The following IRF2 variants were observed in gnomAD, a reference collection of about 807,000 sequenced individuals.
IRF2 encodes interferon regulatory factor 2.
In IRF2, 15 loss-of-function variants were observed where a neutral mutation model predicts 40.6. The ratio of observed to expected loss-of-function variants is 0.37; its 90% CI spans 0.25 to 0.57. The LOEUF is 0.57. IRF2 is among the 20% of genes least tolerant of loss of function. The probability of loss-of-function intolerance (pLI) is 0.77; values close to 1 mark genes in which losing one functional copy is unlikely to be tolerated. For missense variants in IRF2, 317 were observed against 455.7 expected (o/e 0.70, Z 2.77); for synonymous variants, 151 against 165.5 (o/e 0.91, Z 0.67).
In IRF2 at chr4:184,398,922, G is replaced by C. The variant is rs1311990004; in HGVS notation, c.687C>G (p.Ser229=). The change falls in exon 7 of 9, where the codon TCC becomes TCG. Residue 229 remains serine, a synonymous_variant. Transcript: ENST00000393593. ...LYPLQISPVS[S]YAESETTDSV... ...CCTCCCGCTGACGCTTACCTGCATAGGAAGACACGGGGGAGATCTGCAGAG... is the reference window on the plus strand; with the variant it reads ...CCTCCCGCTGACGCTTACCTGCATACGAAGACACGGGGGAGATCTGCAGAG... The C allele has an allele frequency of 6.2e-7, 1 of 1,604,304 alleles. No individual in the cohort carries two copies.
Position 184,427,336 on chromosome 4 carries a change from C to T in IRF2, c.87+1642G>A, listed in dbSNP as rs183481673. Among the ~76,000 whole-genome samples, 312 of 152,308 alleles carry T rather than the reference C, an allele frequency of 2.0e-3. 2 individuals carry two copies. The highest frequency in any genetic ancestry group is 7.3e-3 in the African/African-American group (305 of 41,558). ...TCACCTTGTTTCAGAAAGGCTCAGA[C>T]AGACATATTCAACACAGTAACATTA... On this transcript the variant is annotated intron_variant, in intron 2 of 8. Transcript: ENST00000393593.
intron 1 of IRF2, among the ~76,000 whole-genome samples, chr4:184,468,253 T>A (rs3775585): frequency 1.6e-4 from 25 of 152,146 alleles, no homozygotes; most frequent in African/African-American, 5.5e-4. Flanking sequence ...TTTGGGAGGC[T>A]GAGGCGGGCA....
At chr4:184,392,026 C>T (rs755531205) in intron 7 of IRF2, among the ~76,000 whole-genome samples, 5 of 152,164 alleles carry the variant, frequency 3.3e-5, no homozygotes, top group African/African-American at 4.8e-5. Flanking sequence ...TTAATGGAAT[C>T]GAAGTCTAGT....
rs1316913543 is a variant in IRF2, at chr4:184,413,979, T to C, written c.411+4188A>G. 6.6e-6 allele frequency among the ~76,000 whole-genome samples: 1 copy of C among 152,202 alleles called. No homozygotes were observed. Among genetic ancestry groups the C allele is most frequent in the Non-Finnish European group, 1.5e-5 (1 of 68,044 alleles). On this transcript the variant is annotated intron_variant, in intron 5 of 8. Transcript: ENST00000393593. The surrounding 1 kb of genome is among the most constrained non-coding windows in gnomAD (Gnocchi z 4.2). ...GGACCAGTTTGACCCTGTCCACCCC[T>C]CAAGGCCTGGCTTAGGCCCCAAAGG... is the stretch of plus-strand genomic sequence containing the variant.
chr4:184,468,131 A>C (rs1007853560), intron 1 of IRF2, among the ~76,000 whole-genome samples: 1 of 152,204 alleles, frequency 6.6e-6, no homozygotes, highest in African/African-American at 2.4e-5. Flanking sequence ...CTAATTCTCC[A>C]TGGCCTTCCT....
At chr4:184,390,789 C>T (rs370316538) in intron 7 of IRF2, 40 bp from the exon 8 acceptor site, 24 of 1,608,884 alleles carry the variant, frequency 1.5e-5, no homozygotes, top group Middle Eastern at 3.3e-4. Flanking sequence ...TCATTCCTGT[C>T]CCTCAAGCTG....
At chr4:184,412,037 C>T (rs1737096624) in intron 5 of IRF2, among the ~76,000 whole-genome samples, 1 of 144,260 alleles carries the variant, frequency 6.9e-6, no homozygotes, top group Non-Finnish European at 1.5e-5. Flanking sequence ...AAAGACTCTG[C>T]TTGGGTCCAG....
intron 1 of IRF2, 124 bp from the exon 2 acceptor site, chr4:184,429,194 TG>T (rs988163511): frequency 6.3e-5 from 26 of 410,140 alleles, no homozygotes; most frequent in Admixed American, 5.2e-4. Flanking sequence ...ACCAGGGGGC[TG>T]GGGGGTCGGT....
chr4:184,462,761 G>A (rs936076672), intron 1 of IRF2, among the ~76,000 whole-genome samples: 5 of 152,164 alleles, frequency 3.3e-5, no homozygotes, highest in Admixed American at 2.0e-4. Flanking sequence ...CTAATACAAA[G>A]TAACAAATCC....
At chr4:184,467,517 C>A (rs958510860) in intron 1 of IRF2, among the ~76,000 whole-genome samples, 2 of 152,248 alleles carry the variant, frequency 1.3e-5, no homozygotes, top group Admixed American at 6.5e-5. Flanking sequence ...CAAAAGAATT[C>A]TTTCAAAAAT....
intron 1 of IRF2, among the ~76,000 whole-genome samples, chr4:184,443,461 T>C (rs1320425570): frequency 1.3e-5 from 2 of 152,146 alleles, no homozygotes; most frequent in African/African-American, 2.4e-5. Flanking sequence ...AGTGAGAACA[T>C]GTGGTAGTAT....
Position 184,418,516 on chromosome 4 carries a change from C to T in IRF2, c.364+16G>A, listed in dbSNP as rs1260975674. 6.2e-7 allele frequency: 1 copy of T among 1,610,392 alleles called. No individual in the cohort carries two copies. ...ACAAATTGATTTACCTTATTTTAGT[C>T]TGTAAATGCCTTTACCTTTCTTAGA... is the stretch of plus-strand genomic sequence containing the variant. On this transcript the variant is annotated intron_variant, in intron 4 of 8. Transcript: ENST00000393593.
In IRF2 at chr4:184,418,520, A is replaced by G. The variant is rs778183588; in HGVS notation, c.364+12T>C. 1 of 1,612,326 alleles carries G rather than the reference A, an allele frequency of 6.2e-7. No homozygotes were observed. Among genetic ancestry groups the G allele is most frequent in the Non-Finnish European group, 8.5e-7 (1 of 1,178,380 alleles). On this transcript the variant is annotated intron_variant, in intron 4 of 8. Coordinates refer to ENST00000393593, the MANE Select transcript of IRF2 (RefSeq NM_002199.4). ...ATTGATTTACCTTATTTTAGTCTGT[A>G]AATGCCTTTACCTTTCTTAGAAGGC...
chr4:184,423,862 T>A (rs1200704325), intron 2 of IRF2, among the ~76,000 whole-genome samples: 1 of 152,228 alleles, frequency 6.6e-6, no homozygotes, highest in Non-Finnish European at 1.5e-5. Flanking sequence ...GTCTTTGAAT[T>A]CTGATTTGAA....
intron 1 of IRF2, among the ~76,000 whole-genome samples, chr4:184,458,120 C>A (rs147187983): frequency 1.3e-5 from 2 of 152,356 alleles, no homozygotes; most frequent in Non-Finnish European, 2.9e-5. Context: ...TGCCTCCCTC[C>A]TTCCGGCCAG....
chr4:184,408,373 G>A lies in IRF2; in HGVS notation c.412-98C>T. 1.3e-6 allele frequency: 1 copy of A among 770,324 alleles called. No homozygotes were observed. Among genetic ancestry groups the A allele is most frequent in the South Asian group, 1.5e-5 (1 of 65,700 alleles). 47.7% of individuals were successfully genotyped at this position (770,324 alleles called of 1,614,324 possible). A position where few individuals can be genotyped will look rare whatever the true frequency, so the allele number is the denominator to read the frequency against. On this transcript the variant is annotated intron_variant, in intron 5 of 8. Transcript: ENST00000393593. This position sits in a 1 kb window ranked among gnomAD's most constrained non-coding sequence, Gnocchi z 4.9. ...CTCTGCCTACTTTCTTTAATGCTAG[G>A]GTCATTCATGTTCAGCTGCCGAATA... is the stretch of plus-strand genomic sequence containing the variant.
intron 1 of IRF2, among the ~76,000 whole-genome samples, chr4:184,468,108 CA>C: frequency 6.6e-6 from 1 of 152,244 alleles, no homozygotes; most frequent in Non-Finnish European, 1.5e-5. Context: ...AGAAACAAAA[CA>C]AAACCAAACG....
intron 1 of IRF2, among the ~76,000 whole-genome samples, chr4:184,454,055 G>A (rs570731624): frequency 2.6e-5 from 4 of 152,270 alleles, no homozygotes; most frequent in South Asian, 2.1e-4. Context: ...GAAAACCAAC[G>A]CCTTCCCAAA....
chr4:184,446,146 A>C (rs1371630787), intron 1 of IRF2, among the ~76,000 whole-genome samples: 1 of 152,380 alleles, frequency 6.6e-6, no homozygotes, highest in East Asian at 1.9e-4. Flanking sequence ...AATAGGAACC[A>C]ACCCTGCCCA....
Sources: gnomAD v4.1 joint callset for allele counts (sites outside exome capture counted in the v4.1 genomes callset) on GRCh38, gnomAD v4.1.1 for gene constraint, Gnocchi (gnomAD v3.1) non-coding constraint, MANE v1.5 for transcripts, NCBI Gene and HGNC (gene_info 2026-07-23, HGNC 2026-07-21) for gene names.